NELFCD: variants seen among roughly 807,000 people sequenced by gnomAD.
NELFCD encodes the protein negative elongation factor C/D.
In NELFCD, 48 loss-of-function variants were observed where a neutral mutation model predicts 72.9. The ratio of observed to expected loss-of-function variants is 0.66; its 90% CI spans 0.52 to 0.84. The LOEUF (loss-of-function observed/expected upper bound fraction) is 0.84. Ranked by LOEUF, NELFCD falls within the 40% of genes least tolerant of loss-of-function variation. NELFCD has a pLI of 0.00. For missense variants in NELFCD, 538 were observed against 723.8 expected (o/e 0.74, Z 2.94); for synonymous variants, 297 against 280.6 (o/e 1.06, Z -0.59).
rs1396593997 is a variant in NELFCD at position 58,986,675 on chromosome 20, T to C, written c.177-79T>C. On this transcript the variant is annotated intron_variant, in intron 2 of 14. Transcript: ENST00000652272. This position sits in a 1 kb window ranked among gnomAD's most constrained non-coding sequence, Gnocchi z 4.4. ...CTGCTTTAAAAATTTTGAAACCTGA[T>C]TCTCTTCCTCCTTCCTTACCTTCCT... 1.9e-6 allele frequency: 2 copies of C among 1,032,416 alleles called. No individual in the cohort carries two copies. Among genetic ancestry groups the C allele is most frequent in the Admixed American group, 1.7e-5 (1 of 58,920 alleles). 64.0% of individuals were successfully genotyped at this position (1,032,416 alleles called of 1,614,324 possible).
intron 4 of NELFCD, 53 bp downstream of exon 4, chr20:58,987,870 T>G: frequency 8.9e-6 from 12 of 1,349,776 alleles, no homozygotes; most frequent in Non-Finnish European, 1.2e-5. Context: ...CTTTTGCAAA[T>G]TCCCTGTGTA....
Position 58,993,378 on chromosome 20 carries a change from C to A in NELFCD, c.1345-71C>A. 6.9e-7 allele frequency: 1 copy of A among 1,438,970 alleles called. No homozygotes were observed. The highest frequency in any genetic ancestry group is 9.7e-7 in the Non-Finnish European group (1 of 1,035,304). 89.1% of individuals were successfully genotyped at this position (1,438,970 alleles called of 1,614,324 possible). ...GTGATAAGCTCTTTGGTGGCTGTGA[C>A]AGTGCCCAGTTTCTCTGTGTGCTGA... On this transcript the variant is annotated intron_variant, in intron 11 of 14. Coordinates refer to ENST00000652272, the MANE Select transcript of NELFCD (RefSeq NM_198976.4). The surrounding 1 kb of genome is among the most constrained non-coding windows in gnomAD (Gnocchi z 5.0).
At chr20:58,989,048 A>G (rs1333301695) in intron 5 of NELFCD, 27 bp downstream of exon 5, 2 of 1,508,038 alleles carry the variant, frequency 1.3e-6, no homozygotes, top group Admixed American at 1.7e-5. Flanking sequence ...AGTTAAGGAG[A>G]AAAGTGTTTA....
chr20:58,987,506 G>C, intron 3 of NELFCD: 1 of 570,850 alleles, frequency 1.8e-6, no homozygotes, highest in Non-Finnish European at 3.1e-6. Context: ...GGGTGGACCA[G>C]ACTTGTGTGT....
chr20:58,984,673 T>C lies in NELFCD; in HGVS notation c.61-1420T>C, dbSNP rs868208771. Among the ~76,000 whole-genome samples, 30 of 152,260 alleles carry C rather than the reference T, an allele frequency of 2.0e-4. No homozygotes were observed. The South Asian group carries it at 2.7e-3, about 14-fold the overall frequency. On this transcript the variant is annotated intron_variant, in intron 1 of 14. Transcript: ENST00000652272. ...CAGTTTTGGACCTAAAGAGTTTGGATACTTGTGAGACATCTGACTGGAAAT... is the reference window on the plus strand; with the variant it reads ...CAGTTTTGGACCTAAAGAGTTTGGACACTTGTGAGACATCTGACTGGAAAT...
At position 58,985,625 on chromosome 20, in the gene NELFCD, A is replaced by G. The variant is rs76686957; in HGVS notation, c.61-468A>G. 4.1e-3 allele frequency among the ~76,000 whole-genome samples: 623 copies of G among 152,356 alleles called. 6 individuals carry two copies. Among genetic ancestry groups the G allele is most frequent in the African/African-American group, 0.014 (581 of 41,576 alleles). The stretch of plus-strand genomic sequence containing the variant: ...TGGTAAGTGATGGCTCACGCTTTCA[A>G]GAATCAGGTTGTTACTCTTCAGTGG... On this transcript the variant is annotated intron_variant, in intron 1 of 14. Transcript: ENST00000652272.
Position 58,993,819 on chromosome 20 carries a change from T to C in NELFCD, c.1581+55T>C. The C allele has an allele frequency of 1.3e-6, 2 of 1,577,370 alleles. No individual in the cohort carries two copies. Among genetic ancestry groups the C allele is most frequent in the Non-Finnish European group, 1.7e-6 (2 of 1,154,822 alleles). Reference sequence around the variant, plus strand: ...CATACTGTTTACACTAGCACTGCCCTTTTTGGCTTAATTTAGTTCATTTTG... The same window carrying C: ...CATACTGTTTACACTAGCACTGCCCCTTTTGGCTTAATTTAGTTCATTTTG... On this transcript the variant is annotated intron_variant, in intron 13 of 14. Transcript: ENST00000652272. The surrounding 1 kb of genome is among the most constrained non-coding windows in gnomAD (Gnocchi z 5.0).
chr20:58,981,571 C>T, intron 1 of NELFCD, among the ~76,000 whole-genome samples: 1 of 143,712 alleles, frequency 7.0e-6, no homozygotes, highest in African/African-American at 2.5e-5. Flanking sequence ...GCGCGGCCGC[C>T]GGGGTCCCCG....
In NELFCD at chr20:58,993,822, T is replaced by C. The variant is rs2091836340; in HGVS notation, c.1581+58T>C. On this transcript the variant is annotated intron_variant, in intron 13 of 14. Coordinates refer to ENST00000652272, the MANE Select transcript of NELFCD (RefSeq NM_198976.4). The surrounding 1 kb of genome is among the most constrained non-coding windows in gnomAD (Gnocchi z 5.0). Reference sequence around the variant, plus strand: ...ACTGTTTACACTAGCACTGCCCTTTTTGGCTTAATTTAGTTCATTTTGTAC... The same window carrying C: ...ACTGTTTACACTAGCACTGCCCTTTCTGGCTTAATTTAGTTCATTTTGTAC... The C allele has an allele frequency of 2.5e-6, 4 of 1,570,186 alleles. No individual in the cohort carries two copies. The highest frequency in any genetic ancestry group is 2.2e-5 in the East Asian group (1 of 44,578).
rs1055694976 is a variant in NELFCD at position 58,993,996 on chromosome 20, C to T, written c.1582-114C>T. 26 of 1,322,172 alleles carry T rather than the reference C, an allele frequency of 2.0e-5. No individual in the cohort carries two copies. The highest frequency in any genetic ancestry group is 8.7e-5 in the African/African-American group (6 of 68,930). The allele number at this position is 1,322,172 out of a possible 1,614,324, so 81.9% of individuals were successfully genotyped here. On this transcript the variant is annotated intron_variant, in intron 13 of 14. Coordinates refer to ENST00000652272, the MANE Select transcript of NELFCD (RefSeq NM_198976.4). The surrounding 1 kb of genome is among the most constrained non-coding windows in gnomAD (Gnocchi z 5.0). ...GAATGTTGGAGATGGGTGGTGTCAC[C>T]GGCCGGTGGGGGTGGGGAGGGATTT... is the stretch of plus-strand genomic sequence containing the variant.
rs1001844087 is a variant in NELFCD, at chr20:58,993,204, G to A, written c.1344+92G>A. 3 of 1,010,694 alleles carry A rather than the reference G, an allele frequency of 3.0e-6. No homozygotes were observed. In the African/African-American group the frequency reaches 4.8e-5, roughly 16 times the overall value. The allele number at this position is 1,010,694 out of a possible 1,614,324, so 62.6% of individuals were successfully genotyped here. The stretch of plus-strand genomic sequence containing the variant: ...ACATTGCATCTATTCAGTGAGTTTA[G>A]AGGATACTCTTCTCAAAAATAGTTA... On this transcript the variant is annotated intron_variant, in intron 11 of 14. Transcript: ENST00000652272. The surrounding 1 kb of genome is among the most constrained non-coding windows in gnomAD (Gnocchi z 5.0).
In NELFCD at chr20:58,989,511, G is replaced by A; in HGVS notation, c.528G>A (p.Gln176=). 6.2e-7 allele frequency: 1 copy of A among 1,614,162 alleles called. No homozygotes were observed. Among genetic ancestry groups the A allele is most frequent in the African/African-American group, 1.3e-5 (1 of 75,038 alleles). The change falls in exon 6 of 15, where the codon CAG becomes CAA. Residue 176 remains glutamine (Q), a synonymous_variant. Coordinates refer to ENST00000652272, the MANE Select transcript of NELFCD (RefSeq NM_198976.4). The part of the protein sequence containing the change: ...TVKLISDAGY[Q]GEITSVSTAC... ...AGCTTATTTCTGACGCAGGGTACCA[G>A]GGGGAGATCACCAGTGTGTCCACAG... is the stretch of plus-strand genomic sequence containing the variant.
rs752387865 is a variant in NELFCD, at chr20:58,994,103, C to A, written c.1582-7C>A. Reference sequence around the variant, plus strand: ...CGGAAGAAGTCACCCTGTGCTCCCCCACGCAGGTGCTGGACGTCATTGCTC... The same window carrying A: ...CGGAAGAAGTCACCCTGTGCTCCCCAACGCAGGTGCTGGACGTCATTGCTC... On this transcript the variant is annotated splice_region_variant and splice_polypyrimidine_tract_variant and intron_variant, in intron 13 of 14. Transcript: ENST00000652272. 15 of 1,613,902 alleles carry A rather than the reference C, an allele frequency of 9.3e-6. No individual in the cohort carries two copies. Among genetic ancestry groups the A allele is most frequent in the East Asian group, 8.9e-5 (4 of 44,882 alleles).
Position 58,993,947 on chromosome 20 carries a change from C to A in NELFCD, c.1582-163C>A. On this transcript the variant is annotated intron_variant, in intron 13 of 14. Transcript: ENST00000652272. This position sits in a 1 kb window ranked among gnomAD's most constrained non-coding sequence, Gnocchi z 5.0. ...TGCAGCAGCTGTATGACACACTTTA[C>A]CTCCATTACCACCCTGGGCATCTGA... is the stretch of plus-strand genomic sequence containing the variant. 1 of 1,070,690 alleles carries A rather than the reference C, an allele frequency of 9.3e-7. No individual in the cohort carries two copies. 66.3% of individuals were successfully genotyped at this position (1,070,690 alleles called of 1,614,324 possible).
At chr20:58,984,900 G>C (rs1176226912) in intron 1 of NELFCD, among the ~76,000 whole-genome samples, 1 of 152,222 alleles carries the variant, frequency 6.6e-6, no homozygotes, top group Non-Finnish European at 1.5e-5. Context: ...TCCGGCCTCT[G>C]TCATGCCCTT....
chr20:58,989,193 T>G, intron 5 of NELFCD, 172 bp downstream of exon 5: 1 of 632,434 alleles, frequency 1.6e-6, no homozygotes. Flanking sequence ...TATCTGTTTT[T>G]GGGTCAGTGT....
At position 58,993,494 on chromosome 20, in the gene NELFCD, C is replaced by T. The variant is rs1395313324; in HGVS notation, c.1390C>T (p.Leu464Phe). The change falls in exon 12 of 15, where the codon CTT becomes TTT. Residue 464 changes from leucine (L) to phenylalanine (F), a missense_variant. This residue lies in a region of NELFCD where 136 missense variants were observed against 154.0 expected (regional missense o/e 0.88). Coordinates refer to ENST00000652272, the MANE Select transcript of NELFCD (RefSeq NM_198976.4). The surrounding 1 kb of genome is among the most constrained non-coding windows in gnomAD (Gnocchi z 5.0). ...QLLHPQVLQL[L>F]VKLFETEHSQ... Reference sequence around the variant, plus strand: ...CCTGCACCCCCAGGTCCTGCAGCTGCTTGTTAAGCTTTTTGAGACTGAGCA... The same window carrying T: ...CCTGCACCCCCAGGTCCTGCAGCTGTTTGTTAAGCTTTTTGAGACTGAGCA... 1 of 1,614,180 alleles carries T rather than the reference C, an allele frequency of 6.2e-7. No homozygotes were observed. The highest frequency in any genetic ancestry group is 8.5e-7 in the Non-Finnish European group (1 of 1,180,048).
In NELFCD at chr20:58,993,911, C is replaced by T; in HGVS notation, c.1581+147C>T. The T allele has an allele frequency of 9.0e-7, 1 of 1,107,234 alleles. No individual in the cohort carries two copies. The highest frequency in any genetic ancestry group is 1.3e-6 in the Non-Finnish European group (1 of 760,788). The allele number at this position is 1,107,234 out of a possible 1,614,324, so 68.6% of individuals were successfully genotyped here. ...TGACAGATACTCGTTTACCAAAAAGCACCTTCTGCCTGCAGCAGCTGTATG... is the reference window on the plus strand; with the variant it reads ...TGACAGATACTCGTTTACCAAAAAGTACCTTCTGCCTGCAGCAGCTGTATG... On this transcript the variant is annotated intron_variant, in intron 13 of 14. Transcript: ENST00000652272. The surrounding 1 kb of genome is among the most constrained non-coding windows in gnomAD (Gnocchi z 5.0).
At chr20:58,994,562 CAAAA>C (rs374709307) in intron 14 of NELFCD, 76 bp from the exon 15 acceptor site, 2,981 of 824,170 alleles carry the variant, frequency 3.6e-3, no homozygotes, top group East Asian at 3.8e-3. Context: ...AACTGCATCT[CAAAA>C]AAAAAAAAAA....
Sources: gnomAD v4.1 joint callset for allele counts (sites outside exome capture counted in the v4.1 genomes callset) on GRCh38, gnomAD v4.1.1 for gene constraint, gnomAD v4.1.1 regional missense constraint, Gnocchi (gnomAD v3.1) non-coding constraint, MANE v1.5 for transcripts, NCBI Gene and HGNC (gene_info 2026-07-23, HGNC 2026-07-21) for gene names.